CCDC141: variants seen among roughly 807,000 people sequenced by gnomAD.
CCDC141 encodes coiled-coil domain-containing protein 141.
A neutral mutation model predicts 181.0 loss-of-function variants in CCDC141; 168 were observed. The observed-to-expected ratio is 0.93, with a 90% CI of 0.82 to 1.05. CCDC141 has a LOEUF of 1.05. Ranked by LOEUF, CCDC141 falls within the 50% of genes least tolerant of loss-of-function variation. CCDC141 has a pLI of 0.00. For synonymous variants in CCDC141, 666 were observed against 642.3 expected, an observed-to-expected ratio of 1.04 and a Z score of -0.56; for missense variants, 1,902 against 1,788.5, an observed-to-expected ratio of 1.06 and a Z score of -1.14.
intron 6 of CCDC141, among the ~76,000 whole-genome samples, chr2:178,941,210 C>A (rs1027418908): frequency 1.7e-4 from 26 of 152,272 alleles, no homozygotes; most frequent in African/African-American, 6.0e-4. Flanking sequence ...GGTTTGACCA[C>A]CCCCTCCTAA....
the CCDC141 span, among the ~76,000 whole-genome samples, chr2:178,818,276 T>C: frequency 6.6e-6 from 1 of 152,210 alleles, no homozygotes; most frequent in African/African-American, 2.4e-5. Flanking sequence ...AAGGTGACTT[T>C]TTAAAATTTT....
chr2:178,961,472 G>A lies in CCDC141; in HGVS notation c.538C>T (p.Arg180Trp), dbSNP rs768401425. ...CTTTTGTTTAAAAGGGCTAAAGACC[G>A]TTCCAAGAGTTCTAGAAGAAAATTA... is the stretch of plus-strand genomic sequence containing the variant. ...HEHHTKELLE[R>W]SLALLNKSQQ... is the part of the protein sequence containing the mutation. The change falls in exon 5 of 24, where the codon CGG becomes TGG. Residue 180 changes from arginine to tryptophan, a missense_variant. Physicochemically the swap from Arg to Trp is moderately radical, Grantham distance 101. Transcript: ENST00000443758. 340 of 1,546,106 alleles carry A rather than the reference G, an allele frequency of 2.2e-4. No homozygotes were observed. The highest frequency in any genetic ancestry group is 2.8e-4 in the Non-Finnish European group (318 of 1,144,740).
intron 7 of CCDC141, among the ~76,000 whole-genome samples, chr2:178,917,895 CA>C (rs1558979515): frequency 6.6e-6 from 1 of 152,202 alleles, no homozygotes; most frequent in Admixed American, 6.5e-5. Flanking sequence ...CAGGCTAAGG[CA>C]CTGTTTCTAG....
chr2:178,855,344 T>C lies in CCDC141; in HGVS notation c.3060+3A>G, dbSNP rs1334326962. Reference sequence around the variant, plus strand: ...CATGGATACCACTGCAAAAAGAGAATACCTCTTCTATCACCTCCTGGAAAT... The same window carrying C: ...CATGGATACCACTGCAAAAAGAGAACACCTCTTCTATCACCTCCTGGAAAT... On this transcript the variant is annotated splice_donor_region_variant and intron_variant, in intron 19 of 23. Transcript: ENST00000443758. 2.5e-6 allele frequency: 4 copies of C among 1,603,132 alleles called. No individual in the cohort carries two copies. The highest frequency in any genetic ancestry group is 8.5e-7 in the Non-Finnish European group (1 of 1,176,554).
intron 5 of CCDC141, 97 bp downstream of exon 5, chr2:178,961,133 G>T: frequency 7.5e-7 from 1 of 1,326,688 alleles, no homozygotes; most frequent in Non-Finnish European, 1.0e-6. Flanking sequence ...CAAAAGATTT[G>T]ACCATGAAGA....
rs1406038158 is a variant in CCDC141 at position 178,830,076 on chromosome 2, T to C, written c.*4097A>G. 6.6e-6 allele frequency: 1 copy of C among 152,260 alleles called. No homozygotes were observed. The highest frequency in any genetic ancestry group is 6.5e-5 in the Admixed American group (1 of 15,288). The allele number at this position is 152,260 out of a possible 1,614,324, so 9.4% of individuals were successfully genotyped here. ...AATTAAATATTGATCATTTACGTAG[T>C]GTTCTAAAGAAGTACATAAATTCTG... is the stretch of plus-strand genomic sequence containing the variant. On this transcript the variant is annotated 3_prime_UTR_variant, in exon 24 of 24. Coordinates refer to ENST00000443758, the MANE Select transcript of CCDC141 (RefSeq NM_173648.4).
Position 179,047,324 on chromosome 2 carries a change from T to G in CCDC141, c.185A>C (p.Lys62Thr), listed in dbSNP as rs763194100. The change falls in exon 2 of 24, where the codon AAA (lysine) becomes ACA (threonine). Residue 62 changes from lysine to threonine, a missense_variant. By Grantham distance (78) the Lys-to-Thr change is moderately conservative. Coordinates refer to ENST00000443758, the MANE Select transcript of CCDC141 (RefSeq NM_173648.4). ...AAGAAGTTCATGATCATGAAGAAGT[T>G]TTTTGGTTTCATCTTGACTGCTGCC... ...EIGSSQDETK[K>T]LLHDHELLLA... 3 of 1,544,066 alleles carry G rather than the reference T, an allele frequency of 1.9e-6. No homozygotes were observed. The highest frequency in any genetic ancestry group is 4.9e-5 in the East Asian group (2 of 40,532).
chr2:179,015,091 T>TATATATATATATATATA (rs2042407373), intron 2 of CCDC141, among the ~76,000 whole-genome samples: 8 of 42,032 alleles, frequency 1.9e-4, no homozygotes, highest in African/African-American at 5.3e-4. Flanking sequence ...TATATATATA[T>TATATATATATATATATA]ATATATATAT....
intron 2 of CCDC141, among the ~76,000 whole-genome samples, chr2:179,018,355 T>C (rs994550740): frequency 5.3e-5 from 8 of 152,188 alleles, no homozygotes; most frequent in Non-Finnish European, 1.0e-4. Context: ...CTCTAGTTTA[T>C]AGAAACGCAC....
At chr2:178,996,343 G>A (rs1188237509) in intron 2 of CCDC141, among the ~76,000 whole-genome samples, 1 of 152,120 alleles carries the variant, frequency 6.6e-6, no homozygotes, top group Non-Finnish European at 1.5e-5. Context: ...CTCCCAAAGT[G>A]CTGGGATTAA....
At chr2:178,955,193 G>T (rs889992577) in intron 5 of CCDC141, among the ~76,000 whole-genome samples, 3 of 152,150 alleles carry the variant, frequency 2.0e-5, no homozygotes, top group African/African-American at 7.2e-5. Flanking sequence ...GCTGAGGCAC[G>T]AGAATTGCTT....
At chr2:178,857,775 A>G (rs965791935) in intron 17 of CCDC141, among the ~76,000 whole-genome samples, 4 of 152,210 alleles carry the variant, frequency 2.6e-5, no homozygotes, top group African/African-American at 7.2e-5. Context: ...TCAGAAAAGC[A>G]TTAAAATTCT....
chr2:178,906,922 A>G (rs1177999036), intron 7 of CCDC141, among the ~76,000 whole-genome samples: 1 of 152,196 alleles, frequency 6.6e-6, no homozygotes, highest in Non-Finnish European at 1.5e-5. Context: ...ATCTAGTGGC[A>G]GAATTGGAAC....
chr2:178,861,529 G>A (rs578154445), intron 17 of CCDC141, among the ~76,000 whole-genome samples: 12 of 151,808 alleles, frequency 7.9e-5, no homozygotes, highest in African/African-American at 2.7e-4. Flanking sequence ...ACAACTACTC[G>A]GGAGGCTGAG....
intron 4 of CCDC141, among the ~76,000 whole-genome samples, chr2:178,973,188 A>G (rs922532394): frequency 1.3e-5 from 2 of 152,212 alleles, no homozygotes; most frequent in Admixed American, 1.3e-4. Flanking sequence ...TTAGTTGGTT[A>G]ATAAATTGCA....
At chr2:178,936,796 G>A (rs1043739474) in intron 6 of CCDC141, among the ~76,000 whole-genome samples, 7 of 151,906 alleles carry the variant, frequency 4.6e-5, no homozygotes, top group African/African-American at 1.7e-4. Flanking sequence ...AATTCTCATT[G>A]TAGAGATCTT....
Position 178,856,546 on chromosome 2 carries a change from T to C in CCDC141, c.2725-149A>G, listed in dbSNP as rs201987090. 1,133 of 319,042 alleles carry C rather than the reference T, an allele frequency of 3.6e-3. 3 individuals are homozygous for C. The highest frequency in any genetic ancestry group is 5.4e-3 in the Middle Eastern group (6 of 1,104). 19.8% of individuals were successfully genotyped at this position (319,042 alleles called of 1,614,324 possible). The stretch of plus-strand genomic sequence containing the variant: ...TTTCCCTCCCTCCCTCCCTCTCTCT[T>C]TCTTTCTTTCACTCTTTCTCTTTCT... On this transcript the variant is annotated intron_variant, in intron 17 of 23. Coordinates refer to ENST00000443758, the MANE Select transcript of CCDC141 (RefSeq NM_173648.4).
At chr2:178,866,086 C>A (rs1384451472) in intron 16 of CCDC141, among the ~76,000 whole-genome samples, 170 bp from the exon 17 acceptor site, 1 of 152,152 alleles carries the variant, frequency 6.6e-6, no homozygotes, top group Non-Finnish European at 1.5e-5. Flanking sequence ...CAGAAAGAAG[C>A]CAGTCACCCA....
chr2:178,920,929 A>T (rs1277898765), intron 6 of CCDC141, among the ~76,000 whole-genome samples: 1 of 152,156 alleles, frequency 6.6e-6, no homozygotes, highest in Non-Finnish European at 1.5e-5. Flanking sequence ...GTGGCTTATA[A>T]CTATAATCCT....
Sources: gnomAD v4.1 joint callset for allele counts (sites outside exome capture counted in the v4.1 genomes callset) on GRCh38, gnomAD v4.1.1 for gene constraint, MANE v1.5 for transcripts, NCBI Gene and HGNC (gene_info 2026-07-23, HGNC 2026-07-21) for gene names.